Variants in KNL1 observed in about 807,000 individuals in gnomAD.
KNL1 encodes outer kinetochore KNL1 complex subunit KNL1.
Under a neutral mutation model 201.3 loss-of-function variants are expected in KNL1, and 66 were observed. The ratio of observed to expected loss-of-function variants is 0.33; its 90% CI spans 0.27 to 0.40. The LOEUF is 0.40. KNL1 is among the 10% of genes least tolerant of loss of function. KNL1 has a pLI of 1.00. For missense variants in KNL1, 2,815 were observed against 2,690.5 expected (o/e 1.05, Z -1.02); for synonymous variants, 895 against 899.2 (o/e 1.00, Z 0.08).
chr15:40,621,068 T>G lies in KNL1; in HGVS notation c.804T>G (p.Ser268Arg). Residue 268 changes from serine (S) to arginine (R), a missense_variant, in exon 10 of 26, where the codon AGT (serine) becomes AGG (arginine). Physicochemically the swap from Ser to Arg is moderately radical, Grantham distance 110. Around this residue, in one of 3 missense-constraint regions of KNL1, gnomAD observed 2,464 missense variants for 2,291.7 expected, o/e 1.08. Transcript: ENST00000399668. ...HVSLKEDENN[S>R]NITRLFREKD... ...CTCTTAAGGAAGATGAAAATAACAG[T>G]AATATTACTAGGCTCTTTAGAGAAA... 2.5e-6 allele frequency: 4 copies of G among 1,612,536 alleles called. No homozygotes were observed. Among genetic ancestry groups the G allele is most frequent in the Non-Finnish European group, 3.4e-6 (4 of 1,179,378 alleles).
Position 40,625,297 on chromosome 15 carries a change from C to G in KNL1, c.5033C>G (p.Thr1678Arg), listed in dbSNP as rs369685613. 15 of 1,613,964 alleles carry G rather than the reference C, an allele frequency of 9.3e-6. No homozygotes were observed. The highest frequency in any genetic ancestry group is 1.3e-5 in the Non-Finnish European group (15 of 1,179,980). The change falls in exon 10 of 26, where the codon ACA (threonine) becomes AGA (arginine). Residue 1678 changes from threonine (T) to arginine (R), a missense_variant. Physicochemically the swap from Thr to Arg is moderately conservative, Grantham distance 71. Coordinates refer to ENST00000399668, the MANE Select transcript of KNL1 (RefSeq NM_144508.5). ...IDDLEQIPAD[T>R]TDINHLETQP... ...GACCTGGAACAGATTCCAGCAGACACAACTGATATAAATCACTTAGAAACT... is the reference window on the plus strand; with the variant it reads ...GACCTGGAACAGATTCCAGCAGACAGAACTGATATAAATCACTTAGAAACT...
In KNL1 at chr15:40,628,133, C is replaced by T; in HGVS notation, c.5440C>T (p.Leu1814=). 1 of 1,612,722 alleles carries T rather than the reference C, an allele frequency of 6.2e-7. No homozygotes were observed. The highest frequency in any genetic ancestry group is 8.5e-7 in the Non-Finnish European group (1 of 1,179,526). ...TGCTAACAGTGTATTGATAAAAAAC[C>T]TGAGCAGGACCCCATCTAGTTGCAG... ...KSANSVLIKN[L]SRTPSSCSSS... is the part of the protein sequence containing the mutation. The change falls in exon 11 of 26, where the codon CTG becomes TTG. Residue 1814 remains leucine (L), a synonymous_variant. Coordinates refer to ENST00000399668, the MANE Select transcript of KNL1 (RefSeq NM_144508.5).
At chr15:40,639,151 T>C (rs1893146179) in intron 13 of KNL1, among the ~76,000 whole-genome samples, 1 of 144,582 alleles carries the variant, frequency 6.9e-6, no homozygotes, top group Non-Finnish European at 1.5e-5. Flanking sequence ...ATTCTAGCCT[T>C]AAAAATCCTT....
chr15:40,619,609 G>A (rs1595922917), intron 9 of KNL1, among the ~76,000 whole-genome samples: 1 of 152,070 alleles, frequency 6.6e-6, no homozygotes, highest in East Asian at 1.9e-4. Context: ...TCACTCTGTT[G>A]CCCAGGCTGG....
chr15:40,632,569 T>C (rs934273428), intron 13 of KNL1, among the ~76,000 whole-genome samples: 1 of 151,882 alleles, frequency 6.6e-6, no homozygotes, highest in African/African-American at 2.4e-5. Context: ...ACCACTGCAC[T>C]CCAGCCTTGG....
intron 13 of KNL1, among the ~76,000 whole-genome samples, chr15:40,630,674 T>G (rs972754510): frequency 2.0e-5 from 3 of 152,184 alleles, no homozygotes; most frequent in African/African-American, 7.2e-5. Flanking sequence ...GTACCCCTTA[T>G]GAGAATCTAA....
chr15:40,646,877 A>AG (rs1893404619), intron 16 of KNL1, 110 bp from the exon 17 acceptor site: 2 of 480,492 alleles, frequency 4.2e-6, no homozygotes, highest in African/African-American at 2.0e-5. Context: ...AAAAAAAAAA[A>AG]AGATTTGCCT....
rs546362541 is a variant in KNL1, at chr15:40,609,464, G to C, written c.197+556G>C. ...ATATAGTGAGTGATACCTAATATTA[G>C]CAGAATTAGAATGAACTGGTCGGAT... is the stretch of plus-strand genomic sequence containing the variant. On this transcript the variant is annotated intron_variant, in intron 5 of 25. Transcript: ENST00000399668. Among the ~76,000 whole-genome samples, 7 of 152,136 alleles carry C rather than the reference G, an allele frequency of 4.6e-5. 1 individual carries two copies. In the East Asian group the frequency reaches 1.4e-3, roughly 29 times the overall value.
chr15:40,650,573 G>T lies in KNL1; in HGVS notation c.6202G>T (p.Glu2068Ter). Residue 2068 changes from glutamate to a stop codon, truncating the protein, a stop_gained, in exon 19 of 26, where the codon GAG becomes TAG. Transcript: ENST00000399668. LOFTEE classifies it high-confidence loss of function. The stretch of plus-strand genomic sequence containing the variant: ...GGAACAGCTGAAAACTGAAGAAGAG[G>T]AGCTTCAAAGGTCAGCCTTCAATCC... ...ELEQLKTEEE[E>*]LQRNLLELEV... 6.4e-7 allele frequency: 1 copy of T among 1,561,022 alleles called. No homozygotes were observed. The highest frequency in any genetic ancestry group is 2.3e-5 in the East Asian group (1 of 44,236).
intron 17 of KNL1, 82 bp downstream of exon 17, chr15:40,647,156 G>C (rs1437790030): frequency 2.7e-6 from 2 of 736,210 alleles, no homozygotes; most frequent in Admixed American, 4.3e-5. Flanking sequence ...TTGGTACCAC[G>C]ATATTGAAGA....
chr15:40,656,208 A>T (rs1893727163), intron 22 of KNL1, among the ~76,000 whole-genome samples: 1 of 152,100 alleles, frequency 6.6e-6, no homozygotes, highest in Non-Finnish European at 1.5e-5. Context: ...AGGCGGGCGG[A>T]TCACTGGAGG....
At position 40,623,951 on chromosome 15, in the gene KNL1, A is replaced by G. The variant is rs773873313; in HGVS notation, c.3687A>G (p.Gln1229=). ...ACAAAATAGTTCTTCACACCGAGCA[A>G]AAGCAACAACTCTTTGCTGCTACTA... ...VGNKIVLHTE[Q]KQQLFAATNR... Residue 1229 remains glutamine (Q), a synonymous_variant, in exon 10 of 26, where the codon CAA becomes CAG. Coordinates refer to ENST00000399668, the MANE Select transcript of KNL1 (RefSeq NM_144508.5). 6.2e-7 allele frequency: 1 copy of G among 1,613,546 alleles called. No individual in the cohort carries two copies. The highest frequency in any genetic ancestry group is 1.3e-5 in the African/African-American group (1 of 74,950).
In KNL1 at chr15:40,621,067, G is replaced by A; in HGVS notation, c.803G>A (p.Ser268Asn). Reference sequence around the variant, plus strand: ...TCTCTTAAGGAAGATGAAAATAACAGTAATATTACTAGGCTCTTTAGAGAA... The same window carrying A: ...TCTCTTAAGGAAGATGAAAATAACAATAATATTACTAGGCTCTTTAGAGAA... ...HVSLKEDENN[S>N]NITRLFREKD... The change falls in exon 10 of 26, where the codon AGT (serine) becomes AAT (asparagine). Residue 268 changes from serine (S) to asparagine (N), a missense_variant. Around this residue, in one of 3 missense-constraint regions of KNL1, gnomAD observed 2,464 missense variants for 2,291.7 expected, o/e 1.08. Coordinates refer to ENST00000399668, the MANE Select transcript of KNL1 (RefSeq NM_144508.5). 3 of 1,612,410 alleles carry A rather than the reference G, an allele frequency of 1.9e-6. No homozygotes were observed. The highest frequency in any genetic ancestry group is 2.2e-5 in the East Asian group (1 of 44,862).
rs1476288261 is a variant in KNL1 at position 40,596,562 on chromosome 15, C to T, written c.-18+2170C>T. Among the ~76,000 whole-genome samples, 2 of 151,900 alleles carry T rather than the reference C, an allele frequency of 1.3e-5. 1 individual carries two copies. The highest frequency in any genetic ancestry group is 2.9e-5 in the Non-Finnish European group (2 of 67,988). On this transcript the variant is annotated intron_variant, in intron 1 of 25. Transcript: ENST00000399668. ...AAGTCCTGGGATTACAGGTGTGAGC[C>T]ACTGTGCCTGGCCAAAATTTTATTA...
At chr15:40,609,270 C>G (rs1007591363) in intron 5 of KNL1, among the ~76,000 whole-genome samples, 1 of 149,932 alleles carries the variant, frequency 6.7e-6, no homozygotes, top group African/African-American at 2.5e-5. Context: ...AAAAAATTAG[C>G]TAGGCATGAT....
chr15:40,607,865 A>G (rs907983831), intron 4 of KNL1, among the ~76,000 whole-genome samples: 4 of 152,154 alleles, frequency 2.6e-5, no homozygotes, highest in African/African-American at 9.7e-5. Context: ...AAAATGGTAC[A>G]GCTGCTATGG....
intron 17 of KNL1, among the ~76,000 whole-genome samples, chr15:40,647,377 G>A (rs975789613): frequency 1.3e-5 from 2 of 152,056 alleles, no homozygotes; most frequent in African/African-American, 4.8e-5. Context: ...GGGAGGCTGA[G>A]GCAGGAGAAT....
At chr15:40,648,036 A>G (rs536876616) in intron 17 of KNL1, among the ~76,000 whole-genome samples, 1 of 152,318 alleles carries the variant, frequency 6.6e-6, no homozygotes, top group East Asian at 1.9e-4. Flanking sequence ...TTTTGAGCAT[A>G]TACTGCATGC....
In KNL1 at chr15:40,662,508, G is replaced by A. The variant is rs1317720445; in HGVS notation, c.*320G>A. 1 of 251,120 alleles carries A rather than the reference G, an allele frequency of 4.0e-6. No individual in the cohort carries two copies. The highest frequency in any genetic ancestry group is 7.6e-6 in the Non-Finnish European group (1 of 130,818). The allele number at this position is 251,120 out of a possible 1,614,324, so 15.6% of individuals were successfully genotyped here. A position where few individuals can be genotyped will look rare whatever the true frequency, so the allele number is the denominator to read the frequency against. On this transcript the variant is annotated 3_prime_UTR_variant, in exon 26 of 26. Transcript: ENST00000399668. ...GCCCTAAGGATTAACTTAAGTATAA[G>A]AAGTGTTATCACTGACAAGAACATT...
Sources: gnomAD v4.1 joint callset for allele counts (sites outside exome capture counted in the v4.1 genomes callset) on GRCh38, gnomAD v4.1.1 for gene constraint, gnomAD v4.1.1 regional missense constraint, MANE v1.5 for transcripts, NCBI Gene and HGNC (gene_info 2026-07-23, HGNC 2026-07-21) for gene names.